Variants in CSMD1 observed in about 807,000 individuals in gnomAD.
CSMD1 encodes the protein CUB and Sushi multiple domains 1, also known as CUB and sushi domain-containing protein 1.
Under a neutral mutation model 417.5 loss-of-function variants are expected in CSMD1, and 213 were observed. The observed-to-expected ratio is 0.51, with a 90% confidence interval of 0.46 to 0.57. The LOEUF (loss-of-function observed/expected upper bound fraction) is 0.57. CSMD1 is among the 20% of genes least tolerant of loss of function. CSMD1 has a pLI of 0.00. For synonymous variants in CSMD1, 2,862 were observed against 1,736.8 expected (o/e 1.65, Z -16.11); for missense variants, 6,923 against 4,529.7 (o/e 1.53, Z -15.17).
rs368696071 is a variant in CSMD1 at position 4,859,457 on chromosome 8, A to G, written c.85+134875T>C. 1.1e-4 allele frequency among the ~76,000 whole-genome samples: 17 copies of G among 152,328 alleles called. No homozygotes were observed. The East Asian group carries it at 1.2e-3, about 10-fold the overall frequency. On this transcript the variant is annotated intron_variant, in intron 1 of 69. Coordinates refer to ENST00000635120, the MANE Select transcript of CSMD1 (RefSeq NM_033225.6). Reference sequence around the variant, plus strand: ...CTTCTGCACAGCAAAAGAAACTACCATCAGAGTGAACAGGCAACCTACACA... The same window carrying G: ...CTTCTGCACAGCAAAAGAAACTACCGTCAGAGTGAACAGGCAACCTACACA...
At chr8:3,121,726 G>C (rs1817218113) in intron 41 of CSMD1, among the ~76,000 whole-genome samples, 1 of 152,122 alleles carries the variant, frequency 6.6e-6, no homozygotes, top group African/African-American at 2.4e-5. Context: ...TTAAGGCCAG[G>C]AGTCGAATGC....
intron 3 of CSMD1, among the ~76,000 whole-genome samples, chr8:4,254,279 T>C (rs1803288871): frequency 6.6e-6 from 1 of 152,110 alleles, no homozygotes; most frequent in Non-Finnish European, 1.5e-5. Flanking sequence ...CCTGTGCCAG[T>C]TACTTCCCTA....
intron 2 of CSMD1, among the ~76,000 whole-genome samples, chr8:4,422,960 A>C (rs773072086): frequency 2.0e-5 from 3 of 151,774 alleles, no homozygotes; most frequent in Non-Finnish European, 4.4e-5. Flanking sequence ...AGAAAAAAAC[A>C]TTTGACAATA....
At chr8:4,302,216 T>C (rs1798015458) in intron 3 of CSMD1, among the ~76,000 whole-genome samples, 3 of 152,148 alleles carry the variant, frequency 2.0e-5, no homozygotes, top group South Asian at 2.1e-4. Context: ...TTTAAATAGA[T>C]GCAATGAAGG....
intron 25 of CSMD1, among the ~76,000 whole-genome samples, chr8:3,303,618 G>A (rs976102016): frequency 6.6e-6 from 1 of 152,136 alleles, no homozygotes; most frequent in Non-Finnish European, 1.5e-5. Flanking sequence ...CAATTACACT[G>A]GCAGAAAAGC....
At chr8:4,006,872 G>A (rs994657629) in intron 4 of CSMD1, among the ~76,000 whole-genome samples, 9 of 119,716 alleles carry the variant, frequency 7.5e-5, no homozygotes, top group African/African-American at 1.7e-4. Flanking sequence ...CTGTTGCCCA[G>A]GCTGGAGTGC....
At chr8:4,855,548 C>T (rs1363264004) in intron 1 of CSMD1, among the ~76,000 whole-genome samples, 1 of 151,942 alleles carries the variant, frequency 6.6e-6, no homozygotes, top group Admixed American at 6.6e-5. Flanking sequence ...ACTAGAATAA[C>T]CAATACCAAG....
chr8:3,591,920 C>G lies in CSMD1; in HGVS notation c.1098-5660G>C, dbSNP rs190079172. Among the ~76,000 whole-genome samples, 38 of 151,704 alleles carry G rather than the reference C, an allele frequency of 2.5e-4. 1 individual carries two copies. Among genetic ancestry groups the G allele is most frequent in the Admixed American group, 7.2e-4 (11 of 15,242 alleles). ...TGGATGGAGGAATATATGGATTAGA[C>G]AGATACATAGATGGATAGATACACA... On this transcript the variant is annotated intron_variant, in intron 8 of 69. Transcript: ENST00000635120.
At chr8:4,812,902 C>G (rs998083466) in intron 1 of CSMD1, among the ~76,000 whole-genome samples, 7 of 152,102 alleles carry the variant, frequency 4.6e-5, no homozygotes, top group African/African-American at 1.7e-4. Flanking sequence ...GGTAATATTG[C>G]TTGTATCAGT....
In CSMD1 at chr8:4,388,560, TG is replaced by T. The variant is rs542674355; in HGVS notation, c.415+31392del. ...GATTTTGGGGACTGAGGGGGAAGGG[TG>T]GGGGGGTGATGGATAAAAGACTGCA... On this transcript the variant is annotated intron_variant, in intron 3 of 69. Transcript: ENST00000635120. Among the ~76,000 whole-genome samples the T allele has an allele frequency of 4.7e-3, 578 of 124,252 alleles. 3 individuals are homozygous for T. The highest frequency in any genetic ancestry group is 0.016 in the African/African-American group (544 of 33,082). The allele number at this position is 124,252 out of a possible 152,430, so 81.5% of individuals were successfully genotyped here.
rs75508561 is a variant in CSMD1 at position 3,487,279 on chromosome 8, G to A, written c.1448+6344C>T. Among the ~76,000 whole-genome samples the A allele has an allele frequency of 2.6e-3, 400 of 152,220 alleles. 4 individuals are homozygous for A. Among genetic ancestry groups the A allele is most frequent in the African/African-American group, 9.2e-3 (383 of 41,560 alleles). On this transcript the variant is annotated intron_variant, in intron 11 of 69. Coordinates refer to ENST00000635120, the MANE Select transcript of CSMD1 (RefSeq NM_033225.6). Reference sequence around the variant, plus strand: ...TGCAGTGGCGCGATCTTGGCTCTCTGCAAGCTCCACCTCCTGGGTTCACGC... The same window carrying A: ...TGCAGTGGCGCGATCTTGGCTCTCTACAAGCTCCACCTCCTGGGTTCACGC...
chr8:4,267,521 C>G (rs1804292876), intron 3 of CSMD1, among the ~76,000 whole-genome samples: 1 of 151,378 alleles, frequency 6.6e-6, no homozygotes, highest in African/African-American at 2.4e-5. Context: ...AGTATTGATC[C>G]CAGCTACACT....
At chr8:4,196,008 G>A (rs142372993) in intron 3 of CSMD1, among the ~76,000 whole-genome samples, 5 of 151,992 alleles carry the variant, frequency 3.3e-5, no homozygotes, top group African/African-American at 9.7e-5. Flanking sequence ...TCATGCGATC[G>A]AGACCATCCT....
chr8:4,524,454 A>G (rs1293631684), intron 2 of CSMD1, among the ~76,000 whole-genome samples: 1 of 152,162 alleles, frequency 6.6e-6, no homozygotes, highest in African/African-American at 2.4e-5. Context: ...CTTGTGGCTG[A>G]AACAGGACAG....
intron 16 of CSMD1, among the ~76,000 whole-genome samples, chr8:3,398,608 CAAG>C (rs1395762555): frequency 1.3e-5 from 2 of 152,090 alleles, no homozygotes; most frequent in East Asian, 1.9e-4. Flanking sequence ...GTAGTCTAGT[CAAG>C]AAGAAGGTCA....
intron 7 of CSMD1, among the ~76,000 whole-genome samples, chr8:3,701,094 T>C (rs938214629): frequency 1.3e-5 from 2 of 151,824 alleles, no homozygotes; most frequent in Non-Finnish European, 2.9e-5. Context: ...AGGGACTGAA[T>C]GGTGGAAGTC....
At chr8:4,214,262 C>G (rs939237635) in intron 3 of CSMD1, among the ~76,000 whole-genome samples, 1 of 152,096 alleles carries the variant, frequency 6.6e-6, no homozygotes, top group African/African-American at 2.4e-5. Flanking sequence ...GAGACTTTTA[C>G]AAGAAAATTT....
chr8:4,731,418 A>G (rs1236813241), intron 1 of CSMD1, among the ~76,000 whole-genome samples: 2 of 152,132 alleles, frequency 1.3e-5, no homozygotes, highest in Non-Finnish European at 2.9e-5. Flanking sequence ...ATTTTTCCGT[A>G]TTGGAGTATC....
intron 7 of CSMD1, among the ~76,000 whole-genome samples, chr8:3,667,064 C>G (rs775443076): frequency 4.6e-5 from 7 of 152,114 alleles, no homozygotes; most frequent in African/African-American, 7.2e-5. Context: ...CCTTCATTCT[C>G]TAAATGATTA....
Sources: allele counts gnomAD v4.1 joint callset (sites outside exome capture counted in the v4.1 genomes callset), GRCh38; gene constraint gnomAD v4.1.1; transcripts MANE v1.5; gene names NCBI Gene and HGNC (gene_info 2026-07-23, HGNC 2026-07-21).